Variants in SLC16A12 observed in about 807,000 individuals in gnomAD.
SLC16A12 encodes the protein solute carrier family 16 member 12.
A neutral mutation model predicts 42.4 loss-of-function variants in SLC16A12; 17 were observed. That is an observed-to-expected ratio of 0.40 (90% confidence interval 0.27 to 0.60). The LOEUF (loss-of-function observed/expected upper bound fraction) is 0.60, where lower values mean the gene tolerates loss of function less well. SLC16A12 is among the 20% of genes least tolerant of loss of function. The pLI is 0.42. For synonymous variants in SLC16A12, 224 were observed against 229.4 expected (o/e 0.98, Z 0.21); for missense variants, 544 against 623.0 (o/e 0.87, Z 1.35).
chr10:89,451,726 G>C (rs1029193243), intron 3 of SLC16A12, among the ~76,000 whole-genome samples: 1 of 152,148 alleles, frequency 6.6e-6, no homozygotes, highest in African/African-American at 2.4e-5. Context: ...TGTTTCATAA[G>C]TGCAGTGCAA....
At chr10:89,452,085 C>A (rs971008754) in intron 3 of SLC16A12, among the ~76,000 whole-genome samples, 1 of 152,204 alleles carries the variant, frequency 6.6e-6, no homozygotes, top group African/African-American at 2.4e-5. Flanking sequence ...ATTCATATCA[C>A]TTCCTTGTAT....
intron 3 of SLC16A12, among the ~76,000 whole-genome samples, chr10:89,458,832 G>A (rs992785463): frequency 1.3e-5 from 2 of 152,170 alleles, no homozygotes; most frequent in South Asian, 4.1e-4. Flanking sequence ...GGTAAATCAG[G>A]ATGGATTATC....
upstream of SLC16A12, among the ~76,000 whole-genome samples, chr10:89,539,857 T>TTTTC (rs71022573): frequency 0.23 from 29,919 of 127,520 alleles, 3,607 homozygotes; most frequent in Non-Finnish European, 0.26. Flanking sequence ...AGAAACAAAT[T>TTTTC]TTTCTTTCTT....
intron 2 of SLC16A12, among the ~76,000 whole-genome samples, chr10:89,552,551 C>T (rs1159776501): frequency 6.6e-6 from 1 of 152,142 alleles, no homozygotes; most frequent in East Asian, 1.9e-4. Flanking sequence ...ACGTATGGTA[C>T]TAGGAGGGGT....
At chr10:89,446,460 C>G (rs1284849328) in intron 3 of SLC16A12, among the ~76,000 whole-genome samples, 2 of 152,176 alleles carry the variant, frequency 1.3e-5, no homozygotes, top group African/African-American at 4.8e-5. Flanking sequence ...ATTCAACATT[C>G]TTAAAGAAAA....
At chr10:89,434,744 C>T (rs1178314943) in intron 7 of SLC16A12, among the ~76,000 whole-genome samples, 1 of 152,154 alleles carries the variant, frequency 6.6e-6, no homozygotes, top group Non-Finnish European at 1.5e-5. Context: ...AACTTGTTCA[C>T]TCTCTCAGTT....
intron 2 of SLC16A12, among the ~76,000 whole-genome samples, chr10:89,491,337 T>TAG (rs1174643596): frequency 1.3e-5 from 2 of 151,900 alleles, no homozygotes; most frequent in Admixed American, 6.6e-5. Flanking sequence ...GGTGTGTGCC[T>TAG]AGAAGGACAA....
chr10:89,431,059 A>C lies in SLC16A12; in HGVS notation c.*2005T>G, dbSNP rs1223997226. On this transcript the variant is annotated 3_prime_UTR_variant, in exon 8 of 8. Coordinates refer to ENST00000371790, the MANE Select transcript of SLC16A12 (RefSeq NM_213606.4). ...GTCGCCCAGGGTGGAGTGCAGTGGCATGATTTTGGCTCACTGCAACCTCCA... is the reference window on the plus strand; with the variant it reads ...GTCGCCCAGGGTGGAGTGCAGTGGCCTGATTTTGGCTCACTGCAACCTCCA... 1 of 224,872 alleles carries C rather than the reference A, an allele frequency of 4.4e-6. No individual in the cohort carries two copies. The highest frequency in any genetic ancestry group is 2.4e-5 in the African/African-American group (1 of 41,974). The allele number at this position is 224,872 out of a possible 1,614,324, so 13.9% of individuals were successfully genotyped here.
intron 2 of SLC16A12, among the ~76,000 whole-genome samples, chr10:89,554,056 GAAAGAAAGAAAGAA>G (rs1843788489): frequency 1.3e-5 from 1 of 76,508 alleles, no homozygotes; most frequent in Non-Finnish European, 2.6e-5. Context: ...AAGAAAGAAA[GAAAGAAAGAAAGAA>G]AGAAAGAAAG....
At position 89,431,908 on chromosome 10, in the gene SLC16A12, A is replaced by G. The variant is rs970014086; in HGVS notation, c.*1156T>C. 3 of 152,232 alleles carry G rather than the reference A, an allele frequency of 2.0e-5. No homozygotes were observed. Among genetic ancestry groups the G allele is most frequent in the African/African-American group, 7.2e-5 (3 of 41,460 alleles). 9.4% of individuals were successfully genotyped at this position (152,232 alleles called of 1,614,324 possible). On this transcript the variant is annotated 3_prime_UTR_variant, in exon 8 of 8. Transcript: ENST00000371790. ...TCTAATTATTATCTATAAAGAGATG[A>G]AGAGCAGTGGATAGTGGAACAAGAA...
rs772768632 is a variant in SLC16A12, at chr10:89,443,739, TAGTA to T, written c.304+13_304+16del. 2 of 1,558,098 alleles carry T rather than the reference TAGTA, an allele frequency of 1.3e-6. No individual in the cohort carries two copies. Among genetic ancestry groups the T allele is most frequent in the South Asian group, 2.2e-5 (2 of 89,878 alleles). On this transcript the variant is annotated intron_variant, in intron 4 of 7. Transcript: ENST00000371790. ...AAGAGTGGCCAGTAATTCCCTATCC[TAGTA>T]AGTAATACTCACCACAGAGCATGGT... is the stretch of plus-strand genomic sequence containing the variant.
chr10:89,446,288 C>T (rs1336537941), intron 3 of SLC16A12, among the ~76,000 whole-genome samples: 1 of 151,874 alleles, frequency 6.6e-6, no homozygotes, highest in East Asian at 1.9e-4. Flanking sequence ...GAAGAGCAAC[C>T]CCAAGACACA....
chr10:89,445,315 G>A (rs1031396331), intron 3 of SLC16A12, among the ~76,000 whole-genome samples: 7 of 152,234 alleles, frequency 4.6e-5, no homozygotes, highest in African/African-American at 1.7e-4. Context: ...CTAACTGGGA[G>A]ACACCTCCCC....
intron 3 of SLC16A12, among the ~76,000 whole-genome samples, chr10:89,453,002 ATC>A (rs1377316338): frequency 1.3e-5 from 2 of 152,190 alleles, no homozygotes; most frequent in Non-Finnish European, 2.9e-5. Context: ...TGAGTGGCAC[ATC>A]TCTGTGTTCA....
chr10:89,439,085 T>C lies in SLC16A12; in HGVS notation c.547A>G (p.Ser183Gly). 1 of 1,613,480 alleles carries C rather than the reference T, an allele frequency of 6.2e-7. No individual in the cohort carries two copies. The highest frequency in any genetic ancestry group is 1.1e-5 in the South Asian group (1 of 90,958). The change falls in exon 6 of 8, where the codon AGT becomes GGT. Residue 183 changes from serine (S) to glycine (G), a missense_variant. Transcript: ENST00000371790. The stretch of plus-strand genomic sequence containing the variant: ...GCCAGGATGAAGGTGCCAATGCCAC[T>C]TCCTGACATGGCGATACCATAAGCA... ...ALAYGIAMSG[S>G]GIGTFILAPV...
Position 89,489,811 on chromosome 10 carries a change from A to G in SLC16A12, c.-46-27187T>C, listed in dbSNP as rs528060920. Among the ~76,000 whole-genome samples the G allele has an allele frequency of 1.3e-3, 203 of 152,310 alleles. 3 individuals carry two copies. The highest frequency in any genetic ancestry group is 1.1e-3 in the Non-Finnish European group (78 of 68,034). On this transcript the variant is annotated intron_variant, in intron 2 of 7. Coordinates refer to ENST00000371790, the MANE Select transcript of SLC16A12 (RefSeq NM_213606.4). ...TGTTTATACCTGTAAACACATAATA[A>G]GGTCTGTTATTTCAAATATGATGAA...
chr10:89,517,472 G>C (rs1271129136), intron 2 of SLC16A12, among the ~76,000 whole-genome samples: 1 of 148,174 alleles, frequency 6.7e-6, no homozygotes, highest in Non-Finnish European at 1.5e-5. Flanking sequence ...CACTTGCCCA[G>C]GTAATTAATT....
At chr10:89,504,832 A>C (rs909221400) in intron 2 of SLC16A12, among the ~76,000 whole-genome samples, 5 of 152,142 alleles carry the variant, frequency 3.3e-5, no homozygotes, top group Non-Finnish European at 7.4e-5. Context: ...TCCACTGCCA[A>C]CAAGCCCTGG....
At chr10:89,456,271 C>T (rs977038565) in intron 3 of SLC16A12, 2 of 152,088 alleles carry the variant, frequency 1.3e-5, no homozygotes, top group African/African-American at 4.8e-5. Flanking sequence ...TTAAAGTTAG[C>T]AATTATTATA....
Sources: allele counts gnomAD v4.1 joint callset (sites outside exome capture counted in the v4.1 genomes callset), GRCh38; gene constraint gnomAD v4.1.1; transcripts MANE v1.5; gene names NCBI Gene and HGNC (gene_info 2026-07-23, HGNC 2026-07-21).